Variants in CDV3 observed in about 807,000 individuals in gnomAD.
The protein encoded by CDV3 is protein CDV3 homolog.
A neutral mutation model predicts 24.5 loss-of-function variants in CDV3; 14 were observed. That is an observed-to-expected ratio of 0.57 (90% CI 0.38 to 0.89). The LOEUF (loss-of-function observed/expected upper bound fraction) is 0.89, where lower values mean the gene tolerates loss of function less well. Ranked by LOEUF, CDV3 falls within the 40% of genes least tolerant of loss-of-function variation. CDV3 has a pLI of 0.00. For missense variants in CDV3, 304 were observed against 310.2 expected, an observed-to-expected ratio of 0.98 and a Z score of 0.15; for synonymous variants, 114 against 114.1, an observed-to-expected ratio of 1.00 and a Z score of 0.00.
chr3:133,582,561 T>C (rs1472765207), intron 2 of CDV3, among the ~76,000 whole-genome samples: 1 of 152,236 alleles, frequency 6.6e-6, no homozygotes, highest in Non-Finnish European at 1.5e-5. Flanking sequence ...ATGTGTCTTG[T>C]TTTAATAGAA....
chr3:133,583,884 A>G (rs1158390659), intron 2 of CDV3, 118 bp from the exon 3 acceptor site: 13 of 695,912 alleles, frequency 1.9e-5, no homozygotes, highest in Non-Finnish European at 2.9e-5. Flanking sequence ...TAAGACGTTC[A>G]GTCTCGAAAG....
In CDV3 at chr3:133,586,686, C is replaced by A. The variant is rs1933638807; in HGVS notation, c.590C>A (p.Ser197Tyr). ...ATCTACAGTGATACACAGTTCCCAT[C>A]CCTGCAGTCAACTGCCAAGCATGTA... is the stretch of plus-strand genomic sequence containing the variant. ...PEIYSDTQFP[S>Y]LQSTAKHVES... The change falls in exon 4 of 5, where the codon TCC becomes TAC. Residue 197 changes from serine to tyrosine, a missense_variant. By Grantham distance (144) the Ser-to-Tyr change is moderately radical. Coordinates refer to ENST00000264993, the MANE Select transcript of CDV3 (RefSeq NM_017548.5). 1 of 1,600,336 alleles carries A rather than the reference C, an allele frequency of 6.2e-7. No homozygotes were observed. Among genetic ancestry groups the A allele is most frequent in the Non-Finnish European group, 8.6e-7 (1 of 1,167,622 alleles).
At position 133,587,988 on chromosome 3, in the gene CDV3, T is replaced by C; in HGVS notation, c.719T>C (p.Leu240Pro). The change falls in exon 5 of 5, where the codon CTA becomes CCA. Residue 240 changes from leucine (L) to proline (P), a missense_variant. Physicochemically the swap from Leu to Pro is moderately conservative, Grantham distance 98. This residue lies in a region of CDV3 where 56 missense variants were observed against 50.9 expected (regional missense o/e 1.10). Transcript: ENST00000264993. ...AAAAACCAGGCCCTTAAACTTCAGC[T>C]AGACAACCAATATGCTGTGCTTGAA... ...VSKNQALKLQ[L>P]DNQYAVLENQ... 1 of 1,614,086 alleles carries C rather than the reference T, an allele frequency of 6.2e-7. No individual in the cohort carries two copies. The highest frequency in any genetic ancestry group is 1.3e-5 in the African/African-American group (1 of 75,040).
intron 4 of CDV3, chr3:133,587,115 A>G (rs1435727230): frequency 1.0e-6 from 1 of 997,456 alleles, no homozygotes; most frequent in Non-Finnish European, 1.4e-6. Context: ...TAGACAGAAG[A>G]TGTTGGCATT....
rs1205117951 is a variant in CDV3, at chr3:133,573,728, C to T, written c.-317C>T. The T allele has an allele frequency of 6.6e-6, 1 of 152,188 alleles. No homozygotes were observed. Among genetic ancestry groups the T allele is most frequent in the Non-Finnish European group, 1.5e-5 (1 of 68,116 alleles). 9.4% of individuals were successfully genotyped at this position (152,188 alleles called of 1,614,324 possible). On this transcript the variant is annotated 5_prime_UTR_variant, in exon 1 of 5. Coordinates refer to ENST00000264993, the MANE Select transcript of CDV3 (RefSeq NM_017548.5). ...GCTAGCCGAGCACTCTCGCCAGAACCTCTGGCTCGCGCGTGCCTTTTCCCC... is the reference window on the plus strand; with the variant it reads ...GCTAGCCGAGCACTCTCGCCAGAACTTCTGGCTCGCGCGTGCCTTTTCCCC...
At position 133,574,140 on chromosome 3, in the gene CDV3, G is replaced by A; in HGVS notation, c.96G>A (p.Ala32=). The change falls in exon 1 of 5, where the codon GCG becomes GCA. Residue 32 remains alanine (A), a synonymous_variant. Coordinates refer to ENST00000264993, the MANE Select transcript of CDV3 (RefSeq NM_017548.5). The stretch of plus-strand genomic sequence containing the variant: ...GGAGCAACCGGGCGGCGAGTGCCGC[G>A]GGCGCAGCGGGCAGCGCCGGCGGAA... ...KERSNRAASA[A]GAAGSAGGSS... is the part of the protein sequence containing the mutation. 6 of 1,187,890 alleles carry A rather than the reference G, an allele frequency of 5.1e-6. No homozygotes were observed. Among genetic ancestry groups the A allele is most frequent in the Non-Finnish European group, 6.4e-6 (6 of 937,512 alleles). The allele number at this position is 1,187,890 out of a possible 1,614,324, so 73.6% of individuals were successfully genotyped here.
intron 2 of CDV3, among the ~76,000 whole-genome samples, chr3:133,583,303 CAAATA>C (rs1933244937): frequency 6.6e-6 from 1 of 152,180 alleles, no homozygotes; most frequent in African/African-American, 2.4e-5. Flanking sequence ...AAAGGATTGG[CAAATA>C]AAATTATACA....
In CDV3 at chr3:133,588,540, G is replaced by C. The variant is rs1361949720; in HGVS notation, c.*494G>C. The C allele has an allele frequency of 1.5e-6, 1 of 659,192 alleles. No homozygotes were observed. Among genetic ancestry groups the C allele is most frequent in the Non-Finnish European group, 2.6e-6 (1 of 384,764 alleles). The allele number at this position is 659,192 out of a possible 1,614,324, so 40.8% of individuals were successfully genotyped here. On this transcript the variant is annotated 3_prime_UTR_variant, in exon 5 of 5. Transcript: ENST00000264993. ...TCAGCCATCTGGGTTCTGATCTGCT[G>C]TAAAAGATGAAGATTTAAGTGACCT...
At chr3:133,575,670 T>A (rs2074778552) in intron 2 of CDV3, among the ~76,000 whole-genome samples, 1 of 152,236 alleles carries the variant, frequency 6.6e-6, no homozygotes, top group Non-Finnish European at 1.5e-5. Context: ...ATAACCACTA[T>A]TCTAACACCA....
At chr3:133,586,217 C>A (rs1377044950) in intron 3 of CDV3, among the ~76,000 whole-genome samples, 1 of 152,050 alleles carries the variant, frequency 6.6e-6, no homozygotes, top group East Asian at 1.9e-4. Flanking sequence ...TGCCTCAGCC[C>A]CCTGAGTAGC....
intron 4 of CDV3, chr3:133,587,485 CGATGT>C: frequency 3.6e-6 from 4 of 1,122,384 alleles, no homozygotes; most frequent in Non-Finnish European, 4.4e-6. Context: ...CCCACAAAAT[CGATGT>C]GAGGAGAAAT....
At chr3:133,575,592 A>G (rs1001214619) in intron 2 of CDV3, among the ~76,000 whole-genome samples, 3 of 152,226 alleles carry the variant, frequency 2.0e-5, no homozygotes, top group Non-Finnish European at 4.4e-5. Context: ...CCAGGTCAAG[A>G]AACTGAGTAT....
chr3:133,589,939 G>A lies in CDV3; in HGVS notation c.*1893G>A, dbSNP rs751850899. The A allele has an allele frequency of 1.1e-4, 16 of 152,300 alleles. No individual in the cohort carries two copies. The highest frequency in any genetic ancestry group is 5.2e-4 in the Admixed American group (8 of 15,300). The allele number at this position is 152,300 out of a possible 1,614,324, so 9.4% of individuals were successfully genotyped here. On this transcript the variant is annotated 3_prime_UTR_variant, in exon 5 of 5. Transcript: ENST00000264993. ...AAAAATCTCTTCATCGTTGAACTGT[G>A]CATTTTCCCTGCATTTTTTCCCAAC... is the stretch of plus-strand genomic sequence containing the variant.
intron 2 of CDV3, among the ~76,000 whole-genome samples, chr3:133,579,500 T>C (rs572812157): frequency 6.6e-6 from 1 of 152,308 alleles, no homozygotes; most frequent in East Asian, 1.9e-4. Context: ...ATGTAAATCA[T>C]TTCTACCCTG....
At chr3:133,575,177 G>C in intron 2 of CDV3, 62 bp downstream of exon 2, 1 of 907,738 alleles carries the variant, frequency 1.1e-6, no homozygotes, top group Non-Finnish European at 1.8e-6. Context: ...TACAAGTTAG[G>C]TTTTCCTTTG....
chr3:133,574,577 G>C (rs1002896387), intron 1 of CDV3: 1 of 991,774 alleles, frequency 1.0e-6, no homozygotes, highest in African/African-American at 1.7e-5. Flanking sequence ...GCCCAGCACA[G>C]AGCAGCGTTT....
chr3:133,573,959 C>G lies in CDV3; in HGVS notation c.-86C>G. 1.0e-6 allele frequency: 1 copy of G among 990,856 alleles called. No individual in the cohort carries two copies. The highest frequency in any genetic ancestry group is 4.9e-4 in the Middle Eastern group (1 of 2,030). The allele number at this position is 990,856 out of a possible 1,614,324, so 61.4% of individuals were successfully genotyped here. A position where few individuals can be genotyped will look rare whatever the true frequency, so the allele number is the denominator to read the frequency against. ...GTCGCCGCGCCCGGCAGCGTGAGCG[C>G]AGAGCCGGCCTCGACCCCGAGCTCG... On this transcript the variant is annotated 5_prime_UTR_variant, in exon 1 of 5. Coordinates refer to ENST00000264993, the MANE Select transcript of CDV3 (RefSeq NM_017548.5).
At chr3:133,580,337 A>G (rs977702084) in intron 2 of CDV3, among the ~76,000 whole-genome samples, 19 of 152,320 alleles carry the variant, frequency 1.2e-4, no homozygotes, top group African/African-American at 4.6e-4. Flanking sequence ...TCCTTGGGGT[A>G]TATGTGCAAC....
chr3:133,574,111 G>T lies in CDV3; in HGVS notation c.67G>T (p.Glu23Ter). 8.2e-7 allele frequency: 1 copy of T among 1,215,596 alleles called. No individual in the cohort carries two copies. The highest frequency in any genetic ancestry group is 1.0e-6 in the Non-Finnish European group (1 of 953,324). The allele number at this position is 1,215,596 out of a possible 1,614,324, so 75.3% of individuals were successfully genotyped here. ...CAAGAGGGACAAGAAGAAGAAGAAG[G>T]AGCGGAGCAACCGGGCGGCGAGTGC... ...FAKRDKKKKK[E>*]RSNRAASAAG... The change falls in exon 1 of 5, where the codon GAG (glutamate) becomes TAG (stop). Residue 23 changes from glutamate to a stop codon, truncating the protein, a stop_gained. Coordinates refer to ENST00000264993, the MANE Select transcript of CDV3 (RefSeq NM_017548.5). LOFTEE classifies it high-confidence loss of function.
Sources: allele counts gnomAD v4.1 joint callset (sites outside exome capture counted in the v4.1 genomes callset), GRCh38; gene constraint gnomAD v4.1.1; regional missense constraint gnomAD v4.1.1; transcripts MANE v1.5; gene names NCBI Gene and HGNC (gene_info 2026-07-23, HGNC 2026-07-21).